Variants in LPP observed in about 807,000 individuals in gnomAD.
The protein encoded by LPP is lipoma-preferred partner.
A neutral mutation model predicts 60.4 loss-of-function variants in LPP; 38 were observed. The observed-to-expected ratio is 0.63, with a 90% CI of 0.49 to 0.83. The LOEUF is 0.83. Ranked by LOEUF, LPP falls within the 40% of genes least tolerant of loss-of-function variation. The probability of loss-of-function intolerance (pLI) is 0.00; values close to 1 mark genes in which losing one functional copy is unlikely to be tolerated. For missense variants in LPP, 902 were observed against 783.6 expected, an observed-to-expected ratio of 1.15 and a Z score of -1.80; for synonymous variants, 328 against 290.8, an observed-to-expected ratio of 1.13 and a Z score of -1.30.
intron 3 of LPP, among the ~76,000 whole-genome samples, chr3:188,388,316 T>C (rs978254990): frequency 6.6e-6 from 1 of 152,220 alleles, no homozygotes; most frequent in Non-Finnish European, 1.5e-5. Context: ...TCACAGTTAG[T>C]ACAACTCTCA....
intron 4 of LPP, among the ~76,000 whole-genome samples, chr3:188,441,170 A>T (rs974639238): frequency 2.0e-5 from 3 of 152,140 alleles, no homozygotes; most frequent in African/African-American, 7.2e-5. Context: ...TGTGGTTGAC[A>T]CTGCAGAGAT....
At chr3:188,524,166 C>T (rs1294492721) in intron 5 of LPP, among the ~76,000 whole-genome samples, 1 of 152,196 alleles carries the variant, frequency 6.6e-6, no homozygotes, top group East Asian at 1.9e-4. Context: ...CTCTCGCACA[C>T]ATGCATACCT....
chr3:188,532,595 A>G (rs1240767963), intron 6 of LPP, among the ~76,000 whole-genome samples: 1 of 152,218 alleles, frequency 6.6e-6, no homozygotes, highest in Non-Finnish European at 1.5e-5. Flanking sequence ...TGCCAACGGG[A>G]AGAGCATTGG....
At chr3:188,721,148 C>A (rs1716200248) in intron 8 of LPP, among the ~76,000 whole-genome samples, 1 of 152,138 alleles carries the variant, frequency 6.6e-6, no homozygotes, top group African/African-American at 2.4e-5. Context: ...AACTTTTTAT[C>A]CGACTTTGTC....
chr3:188,864,817 T>C (rs556546803), intron 9 of LPP, among the ~76,000 whole-genome samples: 1 of 152,360 alleles, frequency 6.6e-6, no homozygotes, highest in African/African-American at 2.4e-5. Context: ...TAAGATTTTA[T>C]TATCCAGAAA....
In LPP at chr3:188,352,319, G is replaced by A. The variant is rs1304583842; in HGVS notation, c.-10+10600G>A. Among the ~76,000 whole-genome samples the A allele has an allele frequency of 6.6e-6, 1 of 152,232 alleles. No homozygotes were observed. Among genetic ancestry groups the A allele is most frequent in the East Asian group, 1.9e-4 (1 of 5,194 alleles). ...TGGCAGCTGCGCACACGTATTGGCT[G>A]CTTTTTCTCCCCACCTTTGGCAGCT... On this transcript the variant is annotated intron_variant, in intron 3 of 11. Transcript: ENST00000617246. This position sits in a 1 kb window ranked among gnomAD's most constrained non-coding sequence, Gnocchi z 4.4.
At chr3:188,474,277 T>A (rs1206923880) in intron 4 of LPP, among the ~76,000 whole-genome samples, 1 of 151,048 alleles carries the variant, frequency 6.6e-6, no homozygotes, top group Non-Finnish European at 1.5e-5. Flanking sequence ...GAGCTGTTAA[T>A]CAGGTAGGGG....
At chr3:188,505,666 G>T (rs550366444) in intron 5 of LPP, among the ~76,000 whole-genome samples, 3 of 152,192 alleles carry the variant, frequency 2.0e-5, no homozygotes, top group Non-Finnish European at 2.9e-5. Context: ...ACTAAATCGT[G>T]TTCATTGATG....
intron 3 of LPP, among the ~76,000 whole-genome samples, chr3:188,360,848 T>C (rs979214411): frequency 6.6e-6 from 1 of 152,218 alleles, no homozygotes; most frequent in Non-Finnish European, 1.5e-5. Flanking sequence ...GGACATCTTA[T>C]GGACTGGAGT....
At chr3:188,374,177 A>G (rs1774205243) in intron 3 of LPP, among the ~76,000 whole-genome samples, 1 of 151,912 alleles carries the variant, frequency 6.6e-6, no homozygotes, top group Non-Finnish European at 1.5e-5. Flanking sequence ...CTTAGGATTG[A>G]CTTGGCGATG....
At chr3:188,576,949 C>T (rs975072406) in intron 6 of LPP, among the ~76,000 whole-genome samples, 14 of 152,164 alleles carry the variant, frequency 9.2e-5, no homozygotes, top group African/African-American at 1.7e-4. Flanking sequence ...TGATTTACTG[C>T]GTTGGTGACA....
chr3:188,802,030 TC>T (rs755892525), intron 9 of LPP, among the ~76,000 whole-genome samples: 3 of 152,212 alleles, frequency 2.0e-5, no homozygotes, highest in Non-Finnish European at 2.9e-5. Flanking sequence ...TTCTTTTTTT[TC>T]TGAAAGTCTT....
At chr3:188,240,112 A>C (rs550254623) in intron 2 of LPP, 1 of 193,690 alleles carries the variant, frequency 5.2e-6, no homozygotes, top group African/African-American at 2.3e-5. Context: ...TACATCTGTG[A>C]CCTGGGATGA....
chr3:188,750,186 A>G (rs1271686978), intron 8 of LPP, among the ~76,000 whole-genome samples: 1 of 152,240 alleles, frequency 6.6e-6, no homozygotes, highest in African/African-American at 2.4e-5. Context: ...ATGACAGAGA[A>G]GCCCGTATGG....
intron 3 of LPP, among the ~76,000 whole-genome samples, chr3:188,363,437 G>A (rs1770117172): frequency 2.0e-5 from 3 of 152,098 alleles, no homozygotes; most frequent in Admixed American, 2.0e-4. Context: ...AGAAAAGGCT[G>A]CAGCTGGATT....
At position 188,757,889 on chromosome 3, in the gene LPP, G is replaced by GTTTTTTGTTT. The variant is rs1553833771; in HGVS notation, c.1241-2218_1241-2217insGTTTTTTTTT. On this transcript the variant is annotated intron_variant, in intron 8 of 11. Coordinates refer to ENST00000617246, the MANE Select transcript of LPP (RefSeq NM_001375462.1). ...TTTTTTTTGTGGTTTTGTTTTTTTG[G>GTTTTTTGTTT]TTTTTTTTTTTTTTTTTTTTCAGAA... 1.5e-3 allele frequency among the ~76,000 whole-genome samples: 119 copies of GTTTTTTGTTT among 78,682 alleles called. 3 individuals carry two copies. Among genetic ancestry groups the GTTTTTTGTTT allele is most frequent in the Non-Finnish European group, 1.8e-3 (76 of 43,008 alleles). 51.6% of individuals were successfully genotyped at this position (78,682 alleles called of 152,430 possible).
intron 1 of LPP, among the ~76,000 whole-genome samples, chr3:188,215,071 C>T (rs766383500): frequency 2.0e-5 from 3 of 151,978 alleles, no homozygotes; most frequent in Non-Finnish European, 2.9e-5. Flanking sequence ...TTTGAGAGGC[C>T]GAGGTGGGCA....
intron 7 of LPP, among the ~76,000 whole-genome samples, chr3:188,651,704 A>G (rs905547740): frequency 6.6e-6 from 1 of 152,158 alleles, no homozygotes; most frequent in Non-Finnish European, 1.5e-5. Flanking sequence ...TTTCAAAACC[A>G]TGGGATCTCA....
chr3:188,227,971 G>T (rs1488587728), intron 2 of LPP, among the ~76,000 whole-genome samples: 1 of 152,218 alleles, frequency 6.6e-6, no homozygotes, highest in African/African-American at 2.4e-5. Flanking sequence ...CCCCGCAAAG[G>T]AATATCTGGG....
Sources: allele counts gnomAD v4.1 joint callset (sites outside exome capture counted in the v4.1 genomes callset), GRCh38; gene constraint gnomAD v4.1.1; non-coding constraint Gnocchi (gnomAD v3.1); transcripts MANE v1.5; gene names NCBI Gene and HGNC (gene_info 2026-07-23, HGNC 2026-07-21).